The following DENND3 variants were observed in gnomAD, a reference collection of about 807,000 sequenced individuals.
DENND3 encodes DENN domain containing 3, also known as DENN domain-containing protein 3.
In DENND3, 88 loss-of-function variants were observed where a neutral mutation model predicts 135.1. The observed-to-expected ratio is 0.65, with a 90% CI of 0.55 to 0.78. DENND3 has a LOEUF of 0.78. DENND3 is among the 30% of genes least tolerant of loss of function. The pLI, the probability that DENND3 is intolerant of heterozygous loss-of-function variation, is 0.00. For synonymous variants in DENND3, 693 were observed against 712.3 expected, an observed-to-expected ratio of 0.97 and a Z score of 0.43; for missense variants, 1,392 against 1,688.4, an observed-to-expected ratio of 0.82 and a Z score of 3.08.
rs1225892934 is a variant in DENND3 at position 141,146,489 on chromosome 8, A to G, written c.735+2230A>G. Among the ~76,000 whole-genome samples, 5 of 152,214 alleles carry G rather than the reference A, an allele frequency of 3.3e-5. No individual in the cohort carries two copies. The highest frequency in any genetic ancestry group is 1.2e-4 in the African/African-American group (5 of 41,456). On this transcript the variant is annotated intron_variant, in intron 5 of 22. Transcript: ENST00000519811. This position sits in a 1 kb window ranked among gnomAD's most constrained non-coding sequence, Gnocchi z 4.3. ...GCTGCTTTTTATTTTTTCCTTTAATAGACACCCGTCAAACGTCTCAAAATG... is the reference window on the plus strand; with the variant it reads ...GCTGCTTTTTATTTTTTCCTTTAATGGACACCCGTCAAACGTCTCAAAATG...
intron 11 of DENND3, among the ~76,000 whole-genome samples, chr8:141,165,492 C>T (rs1230386035): frequency 4.8e-5 from 7 of 146,154 alleles, no homozygotes; most frequent in African/African-American, 1.8e-4. Flanking sequence ...GAGACGGAGT[C>T]TCGCTCTTGT....
At position 141,145,840 on chromosome 8, in the gene DENND3, TATATATA is replaced by T. The variant is rs1569555480; in HGVS notation, c.735+1582_735+1588del. 2.4e-5 allele frequency among the ~76,000 whole-genome samples: 2 copies of T among 82,840 alleles called. 1 individual carries two copies. Among genetic ancestry groups the T allele is most frequent in the African/African-American group, 1.8e-4 (2 of 11,344 alleles). 54.3% of individuals were successfully genotyped at this position (82,840 alleles called of 152,430 possible). ...ATATATATATATATATATATATATA[TATATATA>T]TATGTATTTTTTTTTTTTTGAGGCG... is the stretch of plus-strand genomic sequence containing the variant. On this transcript the variant is annotated intron_variant, in intron 5 of 22. Transcript: ENST00000519811.
At chr8:141,181,221 G>C (rs1305547878) in intron 17 of DENND3, among the ~76,000 whole-genome samples, 2 of 152,050 alleles carry the variant, frequency 1.3e-5, no homozygotes, top group South Asian at 4.1e-4. Context: ...GTGCAGTGGT[G>C]AATCTTGGCT....
At chr8:141,158,066 C>A in intron 8 of DENND3, 1 of 1,212,936 alleles carries the variant, frequency 8.2e-7, no homozygotes, top group East Asian at 6.2e-5. Flanking sequence ...AGTCGGAGAA[C>A]TACCTTTATT....
chr8:141,156,160 C>G (rs538376938), intron 8 of DENND3, among the ~76,000 whole-genome samples, 190 bp downstream of exon 8: 1 of 152,050 alleles, frequency 6.6e-6, no homozygotes, highest in African/African-American at 2.4e-5. Context: ...AGTGCAGTGG[C>G]GCAATCTCGG....
intron 8 of DENND3, chr8:141,158,405 C>A: frequency 8.8e-7 from 1 of 1,130,658 alleles, no homozygotes. Flanking sequence ...TGCCTGCATC[C>A]TCATCTTCTT....
intron 18 of DENND3, among the ~76,000 whole-genome samples, chr8:141,187,699 A>G (rs1212229252): frequency 1.3e-5 from 2 of 152,176 alleles, no homozygotes; most frequent in Non-Finnish European, 2.9e-5. Flanking sequence ...TACATGTTAG[A>G]AGGTAATAAG....
chr8:141,163,089 G>A (rs1820343946), intron 9 of DENND3, among the ~76,000 whole-genome samples: 1 of 152,216 alleles, frequency 6.6e-6, no homozygotes, highest in South Asian at 2.1e-4. Context: ...TAAGGAACTA[G>A]TGGGCTGGAG....
At chr8:141,161,917 C>T (rs1470589409) in intron 9 of DENND3, among the ~76,000 whole-genome samples, 79 of 151,484 alleles carry the variant, frequency 5.2e-4, no homozygotes, top group Non-Finnish European at 7.8e-4. Context: ...TCTCCTGCCT[C>T]GGCCTCTGAA....
At chr8:141,169,822 C>T (rs1454449063) in intron 13 of DENND3, among the ~76,000 whole-genome samples, 3 of 152,240 alleles carry the variant, frequency 2.0e-5, no homozygotes, top group East Asian at 1.9e-4. Context: ...ATCTGTGTTG[C>T]TCCACATCCG....
Position 141,166,278 on chromosome 8 carries a change from C to T in DENND3, c.1642C>T (p.Arg548Cys), listed in dbSNP as rs373884314. 1.1e-4 allele frequency: 170 copies of T among 1,614,118 alleles called. No individual in the cohort carries two copies. The highest frequency in any genetic ancestry group is 1.3e-4 in the Non-Finnish European group (158 of 1,180,040). ...KSSHLHVTHR[R>C]MVVSMPNLQD... ...CTCGCACCTGCATGTCACCCACAGG[C>T]GCATGGTGGTCAGCATGCCCAACCT... Residue 548 changes from arginine to cysteine, a missense_variant, in exon 12 of 23, where the codon CGC becomes TGC. Coordinates refer to ENST00000519811, the MANE Select transcript of DENND3 (RefSeq NM_001352890.3). The surrounding 1 kb of genome is among the most constrained non-coding windows in gnomAD (Gnocchi z 4.3).
Position 141,174,388 on chromosome 8 carries a change from G to T in DENND3, c.2276-812G>T, listed in dbSNP as rs1392714886. Among the ~76,000 whole-genome samples the T allele has an allele frequency of 6.6e-6, 1 of 152,164 alleles. No individual in the cohort carries two copies. The highest frequency in any genetic ancestry group is 1.5e-5 in the Non-Finnish European group (1 of 68,024). On this transcript the variant is annotated intron_variant, in intron 13 of 22. Transcript: ENST00000519811. The surrounding 1 kb of genome is among the most constrained non-coding windows in gnomAD (Gnocchi z 4.6). ...ACTGAGGGGGACTTGCTGCACGTCA[G>T]GGGACAGAGAGAGGGACACTGGGTG... is the stretch of plus-strand genomic sequence containing the variant.
rs1039020925 is a variant in DENND3 at position 141,163,016 on chromosome 8, T to G, written c.1353-317T>G. ...GGAGAGTCTGGCTGCCCCTCTGGGC[T>G]CCCCACCCTGAACTCAGTTTCATGT... On this transcript the variant is annotated intron_variant, in intron 9 of 22. Transcript: ENST00000519811. 2.0e-5 allele frequency among the ~76,000 whole-genome samples: 3 copies of G among 152,186 alleles called. No individual in the cohort carries two copies. In the East Asian group the frequency reaches 5.8e-4, roughly 29 times the overall value.
Position 141,192,484 on chromosome 8 carries a change from G to A in DENND3, c.3498+35G>A, listed in dbSNP as rs760908688. On this transcript the variant is annotated intron_variant, in intron 21 of 22. Coordinates refer to ENST00000519811, the MANE Select transcript of DENND3 (RefSeq NM_001352890.3). ...CAGGGGCTGTGGGCCCAGCATGTGC[G>A]TGGCCCGGGGCCCATAGCCCACACC... 51 of 1,612,958 alleles carry A rather than the reference G, an allele frequency of 3.2e-5. No homozygotes were observed. In the East Asian group the frequency reaches 9.6e-4, roughly 30 times the overall value.
In DENND3 at chr8:141,138,119, G is replaced by C. The variant is rs747481879; in HGVS notation, c.483G>C (p.Gln161His). 3 of 1,606,858 alleles carry C rather than the reference G, an allele frequency of 1.9e-6. No homozygotes were observed. The highest frequency in any genetic ancestry group is 2.6e-6 in the Non-Finnish European group (3 of 1,176,220). Reference sequence around the variant, plus strand: ...ATAGGACCTATGGCGTGGTGGCCCAGTACTACCGGCCCCTGCATGTAGGTG... The same window carrying C: ...ATAGGACCTATGGCGTGGTGGCCCACTACTACCGGCCCCTGCATGTAGGTG... The part of the protein sequence containing the change: ...CGNRTYGVVA[Q>H]YYRPLHDEYC... Residue 161 changes from glutamine (Q) to histidine (H), a missense_variant, in exon 3 of 23, where the codon CAG becomes CAC. Transcript: ENST00000519811. This position sits in a 1 kb window ranked among gnomAD's most constrained non-coding sequence, Gnocchi z 4.8.
chr8:141,152,137 C>T (rs1223910869), intron 7 of DENND3, among the ~76,000 whole-genome samples: 2 of 152,236 alleles, frequency 1.3e-5, no homozygotes, highest in Admixed American at 1.3e-4. Flanking sequence ...ATAGATGGTA[C>T]TGTTGTGACC....
At position 141,166,405 on chromosome 8, in the gene DENND3, C is replaced by T. The variant is rs540584886; in HGVS notation, c.1753+16C>T. ...AGCAGCGCAGGTGAGGGCTGCCCCC[C>T]ACTGTGGTGCTGTGTGTCGGTCCCA... On this transcript the variant is annotated intron_variant, in intron 12 of 22. Coordinates refer to ENST00000519811, the MANE Select transcript of DENND3 (RefSeq NM_001352890.3). This position sits in a 1 kb window ranked among gnomAD's most constrained non-coding sequence, Gnocchi z 4.3. 3 of 1,605,198 alleles carry T rather than the reference C, an allele frequency of 1.9e-6. No individual in the cohort carries two copies. Among genetic ancestry groups the T allele is most frequent in the South Asian group, 2.2e-5 (2 of 90,730 alleles).
chr8:141,183,275 A>G (rs1052128383), intron 17 of DENND3, among the ~76,000 whole-genome samples: 6 of 152,186 alleles, frequency 3.9e-5, no homozygotes, highest in Non-Finnish European at 8.8e-5. Context: ...TTTCTGAGAC[A>G]GGGTCTGACT....
In DENND3 at chr8:141,156,787, T is replaced by C. The variant is rs945984349; in HGVS notation, c.1196+817T>C. ...ATTGGCACTTTATCTTTTCTTTTTC[T>C]TTCCTTTTTTTTTTTTTTTTTTGAG... On this transcript the variant is annotated intron_variant, in intron 8 of 22. Coordinates refer to ENST00000519811, the MANE Select transcript of DENND3 (RefSeq NM_001352890.3). Among the ~76,000 whole-genome samples the C allele has an allele frequency of 2.1e-5, 3 of 145,528 alleles. No individual in the cohort carries two copies. In the East Asian group the frequency reaches 5.9e-4, roughly 29 times the overall value.
Sources: allele counts gnomAD v4.1 joint callset (sites outside exome capture counted in the v4.1 genomes callset), GRCh38; gene constraint gnomAD v4.1.1; non-coding constraint Gnocchi (gnomAD v3.1); transcripts MANE v1.5; gene names NCBI Gene and HGNC (gene_info 2026-07-23, HGNC 2026-07-21).